Variants in KIAA1217 observed in about 807,000 individuals in gnomAD.
The protein encoded by KIAA1217 is sickle tail protein homolog.
Under a neutral mutation model 163.9 loss-of-function variants are expected in KIAA1217, and 88 were observed. That is an observed-to-expected ratio of 0.54 (90% CI 0.45 to 0.64). The LOEUF (loss-of-function observed/expected upper bound fraction) is 0.64, where lower values mean the gene tolerates loss of function less well. Ranked by LOEUF, KIAA1217 falls within the 30% of genes least tolerant of loss-of-function variation. The pLI, the probability that KIAA1217 is intolerant of heterozygous loss-of-function variation, is 0.00. For missense variants in KIAA1217, 2,372 were observed against 2,475.0 expected, an observed-to-expected ratio of 0.96 and a Z score of 0.88; for synonymous variants, 903 against 923.1, an observed-to-expected ratio of 0.98 and a Z score of 0.39.
intron 3 of KIAA1217, among the ~76,000 whole-genome samples, chr10:24,381,721 A>G (rs1018017314): frequency 6.6e-6 from 1 of 152,194 alleles, no homozygotes; most frequent in Non-Finnish European, 1.5e-5. Flanking sequence ...CTGACCGTAG[A>G]ATGATCCTCT....
chr10:24,439,876 G>A (rs1213471825), intron 5 of KIAA1217, among the ~76,000 whole-genome samples: 1 of 152,130 alleles, frequency 6.6e-6, no homozygotes, highest in Non-Finnish European at 1.5e-5. Context: ...TGGCAATCTT[G>A]ACTCCCCCTT....
intron 6 of KIAA1217, among the ~76,000 whole-genome samples, chr10:24,487,064 T>G (rs1220616549): frequency 6.6e-6 from 1 of 152,220 alleles, no homozygotes; most frequent in Non-Finnish European, 1.5e-5. Flanking sequence ...CTAAATTGTA[T>G]TTGGTCTACG....
intron 2 of KIAA1217, among the ~76,000 whole-genome samples, chr10:24,078,464 C>A (rs183655041): frequency 7.2e-5 from 11 of 152,322 alleles, no homozygotes; most frequent in Admixed American, 5.2e-4. Flanking sequence ...AATCCATTAG[C>A]TTTACACGGC....
chr10:23,886,482 C>A (rs1442653828), intron 1 of KIAA1217, among the ~76,000 whole-genome samples: 1 of 151,950 alleles, frequency 6.6e-6, no homozygotes, highest in Non-Finnish European at 1.5e-5. Context: ...AGTCAGAGGC[C>A]AGAATGCTCT....
At chr10:24,143,344 G>A (rs950002643) in intron 2 of KIAA1217, among the ~76,000 whole-genome samples, 3 of 152,142 alleles carry the variant, frequency 2.0e-5, no homozygotes, top group Non-Finnish European at 4.4e-5. Context: ...TCAACTCACT[G>A]TAACCTCTGC....
chr10:23,736,088 C>T (rs1291193658), intron 1 of KIAA1217, among the ~76,000 whole-genome samples: 3 of 152,226 alleles, frequency 2.0e-5, no homozygotes, highest in Admixed American at 1.3e-4. Flanking sequence ...CATCATGATA[C>T]ATTTTTATGA....
rs546823661 is a variant in KIAA1217, at chr10:23,796,561, C to A, written c.-321+101327C>A. 4.6e-5 allele frequency among the ~76,000 whole-genome samples: 7 copies of A among 152,084 alleles called. No individual in the cohort carries two copies. In the East Asian group the frequency reaches 1.4e-3, roughly 29 times the overall value. On this transcript the variant is annotated intron_variant, in intron 1 of 18. Coordinates refer to the KIAA1217 transcript ENST00000376462. The stretch of plus-strand genomic sequence containing the variant: ...TATTTTTAGTAGAGTTGGGGTTTCA[C>A]CATGTTGGCCAGGATGGTCTTAAAC...
chr10:23,956,393 A>G (rs1409474014), intron 1 of KIAA1217, among the ~76,000 whole-genome samples: 6 of 152,138 alleles, frequency 3.9e-5, no homozygotes, highest in African/African-American at 1.4e-4. Flanking sequence ...TTATAGGAAC[A>G]TTAGAGTAGT....
chr10:24,187,504 A>G (rs1013612917), intron 2 of KIAA1217, among the ~76,000 whole-genome samples: 1 of 152,254 alleles, frequency 6.6e-6, no homozygotes, highest in African/African-American at 2.4e-5. Context: ...CAGCAGAGAA[A>G]GAGAACCAGT....
At chr10:24,379,251 A>G (rs750499137) in intron 2 of KIAA1217, among the ~76,000 whole-genome samples, 2 of 152,246 alleles carry the variant, frequency 1.3e-5, no homozygotes, top group Non-Finnish European at 2.9e-5. Context: ...GCAGTGATTT[A>G]GGGATAATTT....
rs561725306 is a variant in KIAA1217, at chr10:24,251,325, G to T, written c.354+31416G>T. 5.3e-4 allele frequency among the ~76,000 whole-genome samples: 79 copies of T among 149,060 alleles called. 1 individual carries two copies. The highest frequency in any genetic ancestry group is 1.9e-3 in the African/African-American group (77 of 40,496). ...TAAGATGGGAGGATCCCTTGAGCTTGGGAGATCAAGGCTGCAGTGAGCTGT... is the reference window on the plus strand; with the variant it reads ...TAAGATGGGAGGATCCCTTGAGCTTTGGAGATCAAGGCTGCAGTGAGCTGT... On this transcript the variant is annotated intron_variant, in intron 2 of 20. Transcript: ENST00000376454.
At chr10:24,457,086 A>G (rs2061869394) in intron 5 of KIAA1217, among the ~76,000 whole-genome samples, 1 of 152,126 alleles carries the variant, frequency 6.6e-6, no homozygotes, top group South Asian at 2.1e-4. Flanking sequence ...TCGAAATGGC[A>G]CCAGTGTCTT....
intron 2 of KIAA1217, among the ~76,000 whole-genome samples, chr10:24,063,491 C>T (rs1382711607): frequency 1.3e-5 from 2 of 152,004 alleles, no homozygotes; most frequent in Non-Finnish European, 2.9e-5. Flanking sequence ...TCTGTTCCAT[C>T]GGTCTATATC....
At chr10:23,852,842 T>C (rs1238745918) in intron 1 of KIAA1217, among the ~76,000 whole-genome samples, 11 of 152,184 alleles carry the variant, frequency 7.2e-5, no homozygotes, top group Admixed American at 6.5e-4. Flanking sequence ...ATAAGAATGC[T>C]TGTGATTTTT....
intron 2 of KIAA1217, among the ~76,000 whole-genome samples, chr10:24,272,482 C>G (rs2076867123): frequency 6.6e-6 from 1 of 152,152 alleles, no homozygotes; most frequent in South Asian, 2.1e-4. Flanking sequence ...AGTACGAGTT[C>G]TAAAAGCTAC....
intron 2 of KIAA1217, among the ~76,000 whole-genome samples, chr10:24,067,536 G>A (rs990727097): frequency 6.6e-6 from 1 of 152,186 alleles, no homozygotes; most frequent in East Asian, 1.9e-4. Flanking sequence ...GGCCATGGGA[G>A]GTGTCAGTCC....
intron 2 of KIAA1217, among the ~76,000 whole-genome samples, chr10:24,118,393 G>T (rs187203250): frequency 6.6e-6 from 1 of 152,286 alleles, no homozygotes; most frequent in Admixed American, 6.5e-5. Context: ...AGCTGATTCT[G>T]CTGAGCCTAG....
chr10:23,936,979 A>C (rs756939522), intron 1 of KIAA1217, among the ~76,000 whole-genome samples: 13 of 152,178 alleles, frequency 8.5e-5, no homozygotes, highest in Non-Finnish European at 1.8e-4. Flanking sequence ...CCCGGGTTCA[A>C]GTGATTCTCC....
chr10:24,263,117 T>C (rs16924446), intron 2 of KIAA1217, among the ~76,000 whole-genome samples: 2,402 of 152,314 alleles, frequency 0.016, 60 homozygotes, highest in African/African-American at 0.054. Flanking sequence ...CCTGCTTTTC[T>C]GTTCCAGACT....
Sources: gnomAD v4.1 joint callset for allele counts (sites outside exome capture counted in the v4.1 genomes callset) on GRCh38, gnomAD v4.1.1 for gene constraint, MANE v1.5 for transcripts, NCBI Gene and HGNC (gene_info 2026-07-23, HGNC 2026-07-21) for gene names.